SKI: variants seen among roughly 807,000 people sequenced by gnomAD.
SKI encodes the protein SKI proto-oncogene, also known as ski oncogene.
SKI carries 23 observed loss-of-function variants against 59.3 expected under a neutral mutation model. That is an observed-to-expected ratio of 0.39 (90% CI 0.28 to 0.55). SKI has a LOEUF of 0.55. Among genes scored for constraint, SKI ranks in the 20% least tolerant of loss-of-function variants. The pLI, the probability that SKI is intolerant of heterozygous loss-of-function variation, is 0.67. For synonymous variants in SKI, 673 were observed against 488.6 expected, an observed-to-expected ratio of 1.38 and a Z score of -4.98; for missense variants, 1,017 against 1,038.9, an observed-to-expected ratio of 0.98 and a Z score of 0.29.
At chr1:2,260,942 T>C (rs1012632509) in intron 1 of SKI, among the ~76,000 whole-genome samples, 1 of 152,186 alleles carries the variant, frequency 6.6e-6, no homozygotes, top group Admixed American at 6.5e-5. Context: ...TTTTGTAGCT[T>C]TAAGTTGTAT....
intron 1 of SKI, among the ~76,000 whole-genome samples, chr1:2,242,803 T>C (rs1234808085): frequency 6.6e-6 from 1 of 152,200 alleles, no homozygotes; most frequent in Non-Finnish European, 1.5e-5. Flanking sequence ...CCACCACTCC[T>C]GGCCTGAAAG....
chr1:2,277,820 ACACCTGCACTCACGCACT>A (rs1639778078), intron 1 of SKI, among the ~76,000 whole-genome samples: 1 of 139,936 alleles, frequency 7.1e-6, no homozygotes, highest in Non-Finnish European at 1.5e-5. Context: ...ACTCACGCAC[ACACCTGCACTCACGCACT>A]CAGGACCGAC....
intron 1 of SKI, among the ~76,000 whole-genome samples, chr1:2,273,074 G>A (rs1414333234): frequency 2.6e-5 from 4 of 152,340 alleles, no homozygotes; most frequent in Non-Finnish European, 1.5e-5. Flanking sequence ...GATGCCACAC[G>A]GCTCTTCCTG....
chr1:2,298,823 C>T (rs940844805), intron 1 of SKI, among the ~76,000 whole-genome samples: 2 of 152,340 alleles, frequency 1.3e-5, no homozygotes, highest in Non-Finnish European at 1.5e-5. Flanking sequence ...GGTGGGCGGG[C>T]GCGTGTGCCA....
chr1:2,298,286 G>T (rs557174519), intron 1 of SKI, among the ~76,000 whole-genome samples: 1 of 152,322 alleles, frequency 6.6e-6, no homozygotes, highest in South Asian at 2.1e-4. Flanking sequence ...CTGACAGGTT[G>T]CTGGGCTGCA....
intron 1 of SKI, among the ~76,000 whole-genome samples, chr1:2,297,401 T>A (rs1640310360): frequency 6.6e-6 from 1 of 152,184 alleles, no homozygotes; most frequent in South Asian, 2.1e-4. Context: ...AGGCAGGACC[T>A]CGAGTGCCCA....
rs1640489820 is a variant in SKI, at chr1:2,303,848, C to A, written c.1220C>A (p.Ser407Tyr). ...LPALIRDSFYSYKSFETAVAP... is the reference protein window; with the variant it reads ...LPALIRDSFYYYKSFETAVAP... ...CCCGCCTGCCCCTCCAGCTTCTACT[C>A]CTACAAGAGCTTTGAGACAGCCGTG... The change falls in exon 4 of 7, where the codon TCC (serine) becomes TAC (tyrosine). Residue 407 changes from serine (S) to tyrosine (Y), a missense_variant. By Grantham distance (144) the Ser-to-Tyr change is moderately radical. Transcript: ENST00000378536. This position sits in a 1 kb window ranked among gnomAD's most constrained non-coding sequence, Gnocchi z 5.6. 6.2e-7 allele frequency: 1 copy of A among 1,612,542 alleles called. No homozygotes were observed. The highest frequency in any genetic ancestry group is 1.7e-5 in the Admixed American group (1 of 60,006).
chr1:2,304,727 C>G lies in SKI; in HGVS notation c.1767+142C>G. On this transcript the variant is annotated intron_variant, in intron 5 of 6. Transcript: ENST00000378536. ...TCTGCCTCCACCTCAGTGGGCCTGCCTGGGACCTTGGGGGTCCGTCTCCCA... is the reference window on the plus strand; with the variant it reads ...TCTGCCTCCACCTCAGTGGGCCTGCGTGGGACCTTGGGGGTCCGTCTCCCA... 3 of 1,382,806 alleles carry G rather than the reference C, an allele frequency of 2.2e-6. 1 individual carries two copies. In the South Asian group the frequency reaches 4.5e-5, roughly 21 times the overall value. The allele number at this position is 1,382,806 out of a possible 1,614,324, so 85.7% of individuals were successfully genotyped here. A position where few individuals can be genotyped will look rare whatever the true frequency, so the allele number is the denominator to read the frequency against.
intron 1 of SKI, among the ~76,000 whole-genome samples, chr1:2,275,713 C>T (rs1244715420): frequency 6.6e-6 from 1 of 152,162 alleles, no homozygotes; most frequent in African/African-American, 2.4e-5. Context: ...GGGGTTTCAC[C>T]GTGTTAGCCA....
chr1:2,302,852 C>T (rs987689609), intron 1 of SKI, 126 bp from the exon 2 acceptor site: 10 of 1,305,396 alleles, frequency 7.7e-6, no homozygotes, highest in African/African-American at 4.3e-5. Flanking sequence ...CTGCCTTCTG[C>T]GCCACTCAGG....
In SKI at chr1:2,270,430, G is replaced by A. The variant is rs1639591841; in HGVS notation, c.970-32548G>A. Reference sequence around the variant, plus strand: ...GTTGGTCCCTCACAGGCCAGGGGGTGTGGCCACAGGGCCTGGGCTTTGTCC... The same window carrying A: ...GTTGGTCCCTCACAGGCCAGGGGGTATGGCCACAGGGCCTGGGCTTTGTCC... On this transcript the variant is annotated intron_variant, in intron 1 of 6. Transcript: ENST00000378536. The surrounding 1 kb of genome is among the most constrained non-coding windows in gnomAD (Gnocchi z 4.1). 6.6e-6 allele frequency among the ~76,000 whole-genome samples: 1 copy of A among 152,224 alleles called. No individual in the cohort carries two copies.
Position 2,228,973 on chromosome 1 carries a change from G to A in SKI, c.207G>A (p.Glu69=), listed in dbSNP as rs1638567664. The A allele has an allele frequency of 4.8e-6, 7 of 1,454,636 alleles. No homozygotes were observed. The highest frequency in any genetic ancestry group is 4.5e-6 in the Non-Finnish European group (5 of 1,106,130). 90.1% of individuals were successfully genotyped at this position (1,454,636 alleles called of 1,614,324 possible). ...CGGCGCCGGTGCCCGCAGCCACCGA[G>A]CCGCCGCCCGTGCTGCACCTGCCCG... ...AVPAPVPAAT[E]PPPVLHLPAI... is the part of the protein sequence containing the mutation. The change falls in exon 1 of 7, where the codon GAG becomes GAA. Residue 69 remains glutamate, a synonymous_variant. Transcript: ENST00000378536.
At chr1:2,247,047 C>T (rs1209246826) in intron 1 of SKI, among the ~76,000 whole-genome samples, 3 of 152,196 alleles carry the variant, frequency 2.0e-5, no homozygotes, top group Admixed American at 6.5e-5. Context: ...ATGGTGAAAT[C>T]TCGTCTCTAC....
intron 1 of SKI, among the ~76,000 whole-genome samples, chr1:2,291,129 C>T (rs957450660): frequency 3.9e-5 from 6 of 152,218 alleles, no homozygotes; most frequent in Admixed American, 3.3e-4. Flanking sequence ...CGAATGCAGG[C>T]GCTGGGGATG....
intron 1 of SKI, among the ~76,000 whole-genome samples, chr1:2,239,811 C>T (rs1021470912): frequency 2.0e-5 from 3 of 152,210 alleles, no homozygotes; most frequent in Admixed American, 1.3e-4. Context: ...TCATCCTGCC[C>T]TCCGGGGCGT....
Position 2,306,082 on chromosome 1 carries a change from T to C in SKI, c.1830T>C (p.Arg610=), listed in dbSNP as rs1256373065. The C allele has an allele frequency of 2.5e-6, 4 of 1,602,372 alleles. No homozygotes were observed. The highest frequency in any genetic ancestry group is 3.4e-6 in the Non-Finnish European group (4 of 1,176,050). The stretch of plus-strand genomic sequence containing the variant: ...TGCGGGAGGCCACGGAGGCCAAGCG[T>C]AACCTGCGGAAGGAGATCGAGCGTC... ...EKLREATEAK[R]NLRKEIERLR... is the part of the protein sequence containing the mutation. The change falls in exon 6 of 7, where the codon CGT becomes CGC. Residue 610 remains arginine, a synonymous_variant. Coordinates refer to ENST00000378536, the MANE Select transcript of SKI (RefSeq NM_003036.4).
intron 1 of SKI, among the ~76,000 whole-genome samples, chr1:2,239,260 T>C (rs1402794087): frequency 3.3e-5 from 5 of 152,270 alleles, no homozygotes; most frequent in Non-Finnish European, 7.3e-5. Flanking sequence ...AAAACTGTGA[T>C]TTTTGTTAAC....
chr1:2,295,734 G>A (rs548179006), intron 1 of SKI, among the ~76,000 whole-genome samples: 1,677 of 141,590 alleles, frequency 0.012, 36 homozygotes, highest in African/African-American at 0.043. Flanking sequence ...TCCAGGCCAC[G>A]TGTGACTGTG....
intron 1 of SKI, among the ~76,000 whole-genome samples, chr1:2,277,128 C>T (rs1370041317): frequency 2.0e-5 from 3 of 152,168 alleles, no homozygotes; most frequent in Admixed American, 1.3e-4. Context: ...CTGTTTAAAC[C>T]TTTCAAACTT....
Sources: allele counts gnomAD v4.1 joint callset (sites outside exome capture counted in the v4.1 genomes callset), GRCh38; gene constraint gnomAD v4.1.1; non-coding constraint Gnocchi (gnomAD v3.1); transcripts MANE v1.5; gene names NCBI Gene and HGNC (gene_info 2026-07-23, HGNC 2026-07-21).